ANKRD6: variants seen among roughly 807,000 people sequenced by gnomAD.
ANKRD6 encodes the protein ankyrin repeat domain-containing protein 6.
Under a neutral mutation model 82.3 loss-of-function variants are expected in ANKRD6, and 56 were observed. That is an observed-to-expected ratio of 0.68 (90% confidence interval 0.55 to 0.85). The LOEUF is 0.85. Among genes scored for constraint, ANKRD6 ranks in the 40% least tolerant of loss-of-function variants. The pLI is 0.00. For missense variants in ANKRD6, 852 were observed against 907.6 expected (o/e 0.94, Z 0.79); for synonymous variants, 347 against 352.1 (o/e 0.99, Z 0.16).
chr6:89,618,139 A>G (rs780885409), intron 9 of ANKRD6, 108 bp downstream of exon 9: 1 of 1,257,360 alleles, frequency 8.0e-7, no homozygotes, highest in South Asian at 1.2e-5. Flanking sequence ...TAAATATGGA[A>G]TGTAACCAGG....
intron 1 of ANKRD6, among the ~76,000 whole-genome samples, chr6:89,476,572 G>T (rs1290368134): frequency 6.6e-6 from 1 of 152,074 alleles, no homozygotes; most frequent in Non-Finnish European, 1.5e-5. Flanking sequence ...GCTGCATGTT[G>T]TATTTTGTTA....
chr6:89,463,914 T>G (rs1042241940), intron 1 of ANKRD6, among the ~76,000 whole-genome samples: 1 of 152,184 alleles, frequency 6.6e-6, no homozygotes, highest in Non-Finnish European at 1.5e-5. Flanking sequence ...CAATAAATCT[T>G]TCTCATTGAA....
intron 5 of ANKRD6, among the ~76,000 whole-genome samples, chr6:89,607,133 G>A (rs1266381351): frequency 4.1e-5 from 6 of 148,006 alleles, no homozygotes; most frequent in African/African-American, 1.2e-4. Flanking sequence ...TCGTGCCACT[G>A]TACTCCAGCT....
chr6:89,600,801 G>A (rs1229282986), intron 3 of ANKRD6, among the ~76,000 whole-genome samples: 1 of 152,102 alleles, frequency 6.6e-6, no homozygotes, highest in Non-Finnish European at 1.5e-5. Flanking sequence ...TTTGGGAGGT[G>A]GAGGTGGGCA....
intron 1 of ANKRD6, among the ~76,000 whole-genome samples, chr6:89,536,243 A>T (rs1181594820): frequency 6.6e-6 from 1 of 152,208 alleles, no homozygotes; most frequent in African/African-American, 2.4e-5. Context: ...GAGAGAGAGA[A>T]AAAAAACCTT....
chr6:89,627,111 CTT>C (rs58369165), intron 13 of ANKRD6, among the ~76,000 whole-genome samples: 71 of 144,398 alleles, frequency 4.9e-4, no homozygotes, highest in Admixed American at 5.5e-4. Context: ...GTCTCTCTCT[CTT>C]TTTTTTTTTT....
chr6:89,560,127 A>C (rs907345682), intron 1 of ANKRD6, among the ~76,000 whole-genome samples: 1 of 152,230 alleles, frequency 6.6e-6, no homozygotes. Flanking sequence ...AGCCTATAAC[A>C]GCAATTATGC....
intron 1 of ANKRD6, among the ~76,000 whole-genome samples, chr6:89,490,373 T>C (rs1777877479): frequency 2.0e-5 from 3 of 152,276 alleles, no homozygotes; most frequent in Admixed American, 1.3e-4. Context: ...AAATACGTGA[T>C]ACCTCATAAT....
chr6:89,487,669 C>T (rs1777523577), intron 1 of ANKRD6, among the ~76,000 whole-genome samples: 1 of 152,196 alleles, frequency 6.6e-6, no homozygotes, highest in African/African-American at 2.4e-5. Context: ...AGCATTTCGC[C>T]ATCAAATGAA....
At chr6:89,553,828 A>G (rs773130744) in intron 1 of ANKRD6, among the ~76,000 whole-genome samples, 1 of 152,212 alleles carries the variant, frequency 6.6e-6, no homozygotes, top group Admixed American at 6.5e-5. Context: ...TGAGTGATGG[A>G]TAATTAATAT....
At chr6:89,504,241 C>T (rs1008303400) in intron 1 of ANKRD6, among the ~76,000 whole-genome samples, 6 of 151,870 alleles carry the variant, frequency 4.0e-5, no homozygotes, top group Admixed American at 2.0e-4. Flanking sequence ...GAGTGGTAAA[C>T]GAGGGAGAAT....
At chr6:89,462,541 A>G (rs964271036) in intron 1 of ANKRD6, among the ~76,000 whole-genome samples, 4 of 152,164 alleles carry the variant, frequency 2.6e-5, no homozygotes, top group Admixed American at 6.5e-5. Context: ...CATATAGGAC[A>G]TATATAGGAA....
chr6:89,444,909 A>G (rs540806347), intron 1 of ANKRD6, among the ~76,000 whole-genome samples: 1 of 152,268 alleles, frequency 6.6e-6, no homozygotes, highest in African/African-American at 2.4e-5. Flanking sequence ...CGGAGGTTAC[A>G]GTGAGCCAAG....
intron 1 of ANKRD6, among the ~76,000 whole-genome samples, chr6:89,459,067 A>G (rs754420856): frequency 6.6e-6 from 1 of 152,128 alleles, no homozygotes; most frequent in African/African-American, 2.4e-5. Flanking sequence ...TTGTCTTCTT[A>G]AAATGAATAT....
intron 14 of ANKRD6, 172 bp from the exon 15 acceptor site, chr6:89,628,940 C>G: frequency 1.5e-6 from 1 of 674,808 alleles, no homozygotes; most frequent in Non-Finnish European, 2.4e-6. Flanking sequence ...TTGGAGGGGT[C>G]AAATATCCAA....
intron 1 of ANKRD6, among the ~76,000 whole-genome samples, chr6:89,447,595 G>A (rs1475323881): frequency 6.6e-6 from 1 of 152,238 alleles, no homozygotes; most frequent in African/African-American, 2.4e-5. Flanking sequence ...AGCTAAGATT[G>A]TTGATTGATG....
intron 1 of ANKRD6, among the ~76,000 whole-genome samples, chr6:89,444,742 C>T (rs61654270): frequency 0.3 from 46,042 of 151,870 alleles, 7,165 homozygotes; most frequent in African/African-American, 0.32. Context: ...TTGAGGTGGG[C>T]GGATCACCTG....
intron 9 of ANKRD6, chr6:89,621,102 G>T (rs1803116132): frequency 6.6e-6 from 1 of 152,080 alleles, no homozygotes; most frequent in Admixed American, 6.6e-5. Flanking sequence ...TAAAGACAAG[G>T]TCTTGCTTTG....
At chr6:89,504,824 T>C (rs1289059421) in intron 1 of ANKRD6, 1 of 152,222 alleles carries the variant, frequency 6.6e-6, no homozygotes, top group Non-Finnish European at 1.5e-5. Context: ...GCTTCTTGCC[T>C]TTCCCTTTAA....
Sources: gnomAD v4.1 joint callset for allele counts (sites outside exome capture counted in the v4.1 genomes callset) on GRCh38, gnomAD v4.1.1 for gene constraint, MANE v1.5 for transcripts, NCBI Gene and HGNC (gene_info 2026-07-23, HGNC 2026-07-21) for gene names.